Variants in SUMF1 observed in about 807,000 individuals in gnomAD.
The protein encoded by SUMF1 is sulfatase modifying factor 1, also known as formylglycine-generating enzyme.
SUMF1 carries 48 observed loss-of-function variants against 47.6 expected under a neutral mutation model. The observed-to-expected ratio is 1.01, with a 90% CI of 0.80 to 1.28. SUMF1 has a LOEUF of 1.28. Among genes scored for constraint, SUMF1 ranks in the 50% most tolerant of loss-of-function variants. The pLI, the probability that SUMF1 is intolerant of heterozygous loss-of-function variation, is 0.00. For missense variants in SUMF1, 571 were observed against 485.4 expected (o/e 1.18, Z -1.66); for synonymous variants, 230 against 192.1 (o/e 1.20, Z -1.63).
At chr3:4,245,907 G>C (rs1696657372) in intron 8 of SUMF1, among the ~76,000 whole-genome samples, 1 of 152,176 alleles carries the variant, frequency 6.6e-6, no homozygotes, top group Non-Finnish European at 1.5e-5. Context: ...CCCAGTTCGA[G>C]CTTCCCTGCC....
intron 8 of SUMF1, among the ~76,000 whole-genome samples, chr3:4,266,950 G>C (rs1190545243): frequency 4.0e-5 from 6 of 151,752 alleles, no homozygotes. Context: ...GTTGAATTTT[G>C]TCAAAGGCCT....
chr3:4,361,423 A>G lies in SUMF1; in HGVS notation c.*721T>C, dbSNP rs1374303202. The G allele has an allele frequency of 6.5e-6, 1 of 153,132 alleles. No homozygotes were observed. The highest frequency in any genetic ancestry group is 1.5e-5 in the Non-Finnish European group (1 of 68,426). The allele number at this position is 153,132 out of a possible 1,614,324, so 9.5% of individuals were successfully genotyped here. ...CACTTAATGTTAAAAGATAAAGCAC[A>G]GTAGAGTCACCCCACAGACATTCCT... is the stretch of plus-strand genomic sequence containing the variant. On this transcript the variant is annotated 3_prime_UTR_variant, in exon 9 of 9. Coordinates refer to ENST00000272902, the MANE Select transcript of SUMF1 (RefSeq NM_182760.4).
chr3:4,296,777 G>A (rs1559207016), intron 8 of SUMF1, among the ~76,000 whole-genome samples: 1 of 151,760 alleles, frequency 6.6e-6, no homozygotes, highest in Non-Finnish European at 1.5e-5. Context: ...ACTGTCTAAT[G>A]ATAATAATGG....
intron 8 of SUMF1, among the ~76,000 whole-genome samples, chr3:4,217,513 T>TATATATATATATATATTATA (rs200461780): frequency 1.4e-5 from 1 of 72,646 alleles, no homozygotes; most frequent in Non-Finnish European, 2.5e-5. Context: ...TAAAGTATTT[T>TATATATATATATATATTATA]TTATATATAT....
rs1000697325 is a variant in SUMF1, at chr3:4,208,191, T to C, written c.1015-139446A>G. 1.3e-5 allele frequency among the ~76,000 whole-genome samples: 2 copies of C among 152,134 alleles called. 1 individual carries two copies. Among genetic ancestry groups the C allele is most frequent in the Middle Eastern group, 6.8e-3 (2 of 294 alleles). On this transcript the variant is annotated intron_variant and NMD_transcript_variant, in intron 8 of 12. Transcript: ENST00000448413. The stretch of plus-strand genomic sequence containing the variant: ...AAAGGAAATACCCAACTCCAGCCAA[T>C]TCTAGCCTTCCACAAGGGGAAAAGA...
intron 8 of SUMF1, among the ~76,000 whole-genome samples, chr3:4,124,016 C>T (rs1433199464): frequency 5.9e-5 from 9 of 152,126 alleles, no homozygotes; most frequent in African/African-American, 2.2e-4. Context: ...AAAGCTCTCC[C>T]TCCCTCTCTT....
intron 8 of SUMF1, among the ~76,000 whole-genome samples, chr3:4,106,540 T>A (rs1693162747): frequency 6.6e-6 from 1 of 152,112 alleles, no homozygotes; most frequent in African/African-American, 2.4e-5. Context: ...TTCCAACTGT[T>A]TGAAGTGTAT....
chr3:4,367,045 C>T (rs563624221), intron 8 of SUMF1, among the ~76,000 whole-genome samples: 4 of 152,224 alleles, frequency 2.6e-5, no homozygotes, highest in Admixed American at 2.0e-4. Context: ...TTTTGTGAAC[C>T]GCGAATGCTG....
chr3:4,424,146 A>G (rs763632962), intron 3 of SUMF1, among the ~76,000 whole-genome samples: 15 of 152,164 alleles, frequency 9.9e-5, no homozygotes, highest in Admixed American at 2.0e-4. Context: ...TTTCCTTGAT[A>G]AATGTCTCTA....
At chr3:4,114,291 C>T (rs552462909) in intron 8 of SUMF1, among the ~76,000 whole-genome samples, 1 of 152,186 alleles carries the variant, frequency 6.6e-6, no homozygotes, top group East Asian at 1.9e-4. Context: ...TTTATATTCT[C>T]TATCACACCC....
In SUMF1 at chr3:4,083,025, T is replaced by C. The variant is rs1052963071; in HGVS notation, c.1015-14280A>G. On this transcript the variant is annotated intron_variant and NMD_transcript_variant, in intron 8 of 12. Coordinates refer to the SUMF1 transcript ENST00000448413. ...AGTGCTAAGAAATTTATTTAGAAAA[T>C]ATCTAAATGTCTCCTGGGTCTAGAA... Among the ~76,000 whole-genome samples, 4 of 152,024 alleles carry C rather than the reference T, an allele frequency of 2.6e-5. No individual in the cohort carries two copies. In the East Asian group the frequency reaches 7.7e-4, roughly 29 times the overall value.
chr3:4,263,930 G>A (rs1488540551), intron 8 of SUMF1, among the ~76,000 whole-genome samples: 2 of 152,106 alleles, frequency 1.3e-5, no homozygotes, highest in Non-Finnish European at 2.9e-5. Context: ...AGGGCCCAAA[G>A]ATAAGAAGAT....
intron 8 of SUMF1, among the ~76,000 whole-genome samples, chr3:4,076,523 A>G (rs886751890): frequency 3.3e-5 from 5 of 152,184 alleles, no homozygotes; most frequent in Admixed American, 2.0e-4. Flanking sequence ...GAGCTTCTGC[A>G]CAGCAAATGA....
intron 8 of SUMF1, among the ~76,000 whole-genome samples, chr3:4,087,806 T>G (rs1692702559): frequency 2.0e-5 from 3 of 152,144 alleles, no homozygotes; most frequent in African/African-American, 7.2e-5. Flanking sequence ...TCACCATATT[T>G]AGTGAATGAA....
chr3:4,451,405 G>A (rs1702962474), intron 2 of SUMF1, among the ~76,000 whole-genome samples: 2 of 152,218 alleles, frequency 1.3e-5, no homozygotes, highest in Admixed American at 1.3e-4. Flanking sequence ...CTCGAGGGTA[G>A]TAAATAACCA....
intron 9 of SUMF1, among the ~76,000 whole-genome samples, chr3:4,049,447 C>A (rs1574845075): frequency 6.6e-6 from 1 of 152,140 alleles, no homozygotes; most frequent in Non-Finnish European, 1.5e-5. Flanking sequence ...CAACAGACTG[C>A]GTAGGAGAAA....
intron 8 of SUMF1, among the ~76,000 whole-genome samples, chr3:4,188,285 C>T (rs1695246045): frequency 6.6e-6 from 1 of 151,962 alleles, no homozygotes; most frequent in Non-Finnish European, 1.5e-5. Flanking sequence ...AAGCAATTCT[C>T]CTGCCTCAGC....
chr3:4,359,059 CTA>C (rs1373536353), downstream of SUMF1, among the ~76,000 whole-genome samples: 1 of 152,200 alleles, frequency 6.6e-6, no homozygotes, highest in Non-Finnish European at 1.5e-5. Context: ...CCGTATGCCT[CTA>C]TGTTTTGTGT....
chr3:4,086,791 G>C (rs1692681321), intron 8 of SUMF1, among the ~76,000 whole-genome samples: 1 of 152,016 alleles, frequency 6.6e-6, no homozygotes, highest in Non-Finnish European at 1.5e-5. Flanking sequence ...TCTCATGGTA[G>C]TGAATAAGTC....
Sources: allele counts gnomAD v4.1 joint callset (sites outside exome capture counted in the v4.1 genomes callset), GRCh38; gene constraint gnomAD v4.1.1; transcripts MANE v1.5; gene names NCBI Gene and HGNC (gene_info 2026-07-23, HGNC 2026-07-21).